The following RAP1GAP2 variants were observed in gnomAD, a reference collection of about 807,000 sequenced individuals.
RAP1GAP2 encodes rap1 GTPase-activating protein 2.
In RAP1GAP2, 27 loss-of-function variants were observed where a neutral mutation model predicts 95.0. The ratio of observed to expected loss-of-function variants is 0.28; its 90% CI spans 0.21 to 0.39. RAP1GAP2 has a LOEUF of 0.39. RAP1GAP2 is among the 10% of genes least tolerant of loss of function. RAP1GAP2 has a pLI of 1.00. For synonymous variants in RAP1GAP2, 373 were observed against 380.9 expected (o/e 0.98, Z 0.24); for missense variants, 771 against 970.0 (o/e 0.79, Z 2.72).
intron 1 of RAP1GAP2, among the ~76,000 whole-genome samples, chr17:2,756,007 G>T (rs2071134217): frequency 1.3e-5 from 2 of 152,172 alleles, no homozygotes; most frequent in Admixed American, 1.3e-4. Flanking sequence ...GACCCTGTGC[G>T]AGCCGTCAGG....
At chr17:2,771,967 G>A (rs1231858043) in intron 2 of RAP1GAP2, among the ~76,000 whole-genome samples, 2 of 152,050 alleles carry the variant, frequency 1.3e-5, no homozygotes. Context: ...CTGGGCTCAA[G>A]TGATCCTCCT....
intron 19 of RAP1GAP2, among the ~76,000 whole-genome samples, chr17:3,024,753 C>T (rs1289563624): frequency 1.3e-5 from 2 of 152,234 alleles, no homozygotes; most frequent in Non-Finnish European, 2.9e-5. Context: ...AGTCCTGATA[C>T]AAGCTACAAC....
chr17:3,026,263 G>A (rs2047112449), intron 20 of RAP1GAP2, 87 bp from the exon 21 acceptor site: 5 of 1,341,170 alleles, frequency 3.7e-6, no homozygotes, highest in Non-Finnish European at 5.2e-6. Context: ...GGGGGCGTGG[G>A]GAGCCGCCAG....
At chr17:2,762,727 T>C (rs759839313) in intron 1 of RAP1GAP2, among the ~76,000 whole-genome samples, 19 of 150,776 alleles carry the variant, frequency 1.3e-4, no homozygotes, top group Non-Finnish European at 2.1e-4. Flanking sequence ...ACATAGAAAT[T>C]TTGTGGGGAC....
intron 2 of RAP1GAP2, among the ~76,000 whole-genome samples, chr17:2,834,334 C>T (rs924612680): frequency 9.2e-5 from 14 of 152,208 alleles, no homozygotes; most frequent in Admixed American, 2.6e-4. Context: ...AGCCAATTCC[C>T]CTTGTGCTAG....
intron 2 of RAP1GAP2, among the ~76,000 whole-genome samples, chr17:2,808,573 C>A (rs913649502): frequency 2.0e-4 from 30 of 152,164 alleles, no homozygotes; most frequent in African/African-American, 6.5e-4. Flanking sequence ...CGTCCCCTCG[C>A]TGGCCCGGCT....
intron 2 of RAP1GAP2, among the ~76,000 whole-genome samples, chr17:2,812,990 CAA>C (rs748557335): frequency 3.7e-4 from 51 of 137,078 alleles, no homozygotes; most frequent in South Asian, 9.3e-4. Flanking sequence ...AACTCCGTCT[CAA>C]AAAAAAAAAA....
At chr17:2,986,516 G>A (rs1280130908) in intron 11 of RAP1GAP2, among the ~76,000 whole-genome samples, 4 of 151,502 alleles carry the variant, frequency 2.6e-5, no homozygotes, top group Admixed American at 6.6e-5. Flanking sequence ...TGATGCTGCT[G>A]TGGAGGAAAA....
intron 17 of RAP1GAP2, among the ~76,000 whole-genome samples, chr17:3,009,439 A>G (rs892751997): frequency 2.0e-5 from 3 of 152,236 alleles, no homozygotes; most frequent in African/African-American, 7.2e-5. Flanking sequence ...ATAGTATTAT[A>G]TGGGAGGAAA....
chr17:2,757,822 CT>C (rs1253333767), intron 1 of RAP1GAP2, among the ~76,000 whole-genome samples: 5 of 152,004 alleles, frequency 3.3e-5, no homozygotes, highest in African/African-American at 1.2e-4. Context: ...ACTCTTGCCC[CT>C]GGCACTGTCT....
At chr17:2,766,262 C>G (rs561821074) in intron 1 of RAP1GAP2, among the ~76,000 whole-genome samples, 1 of 152,114 alleles carries the variant, frequency 6.6e-6, no homozygotes, top group African/African-American at 2.4e-5. Context: ...TTTGTGTCCC[C>G]GGAAATTCAT....
chr17:2,919,141 C>A (rs1263341108), intron 3 of RAP1GAP2, among the ~76,000 whole-genome samples: 4 of 152,212 alleles, frequency 2.6e-5, no homozygotes, highest in Non-Finnish European at 5.9e-5. Context: ...CTTCCAAGAG[C>A]CTTGTGGATC....
chr17:2,909,514 C>A (rs1227567473), intron 3 of RAP1GAP2, among the ~76,000 whole-genome samples: 1 of 152,138 alleles, frequency 6.6e-6, no homozygotes, highest in East Asian at 1.9e-4. Flanking sequence ...GCTCAGGAAT[C>A]TGGACCACAG....
intron 2 of RAP1GAP2, among the ~76,000 whole-genome samples, chr17:2,770,971 C>A (rs944952078): frequency 1.3e-5 from 2 of 152,038 alleles, no homozygotes; most frequent in African/African-American, 4.8e-5. Flanking sequence ...CTCTTGAACC[C>A]CGGAGGCAGA....
chr17:2,883,520 AG>A (rs2073378697), intron 2 of RAP1GAP2, among the ~76,000 whole-genome samples: 1 of 151,922 alleles, frequency 6.6e-6, no homozygotes, highest in Admixed American at 6.6e-5. Flanking sequence ...AGCTTCCAAA[AG>A]CTTCTCTCTC....
At chr17:2,909,364 G>T (rs2042297208) in intron 3 of RAP1GAP2, among the ~76,000 whole-genome samples, 1 of 152,134 alleles carries the variant, frequency 6.6e-6, no homozygotes, top group African/African-American at 2.4e-5. Context: ...ACCAGCCCTG[G>T]GAGGGGTGGG....
chr17:2,917,075 C>T (rs1200829285), intron 3 of RAP1GAP2, among the ~76,000 whole-genome samples: 4 of 152,206 alleles, frequency 2.6e-5, no homozygotes, highest in African/African-American at 9.7e-5. Context: ...TGTTGATTCT[C>T]CAGCCCATCT....
rs977602425 is a variant in RAP1GAP2, at chr17:2,871,547, G to A, written c.81-33737G>A. Among the ~76,000 whole-genome samples, 27 of 152,318 alleles carry A rather than the reference G, an allele frequency of 1.8e-4. No individual in the cohort carries two copies. The highest frequency in any genetic ancestry group is 1.0e-3 in the Admixed American group (16 of 15,300). ...CATTACAGAGGAGGGAGAGGCAACA[G>A]CGGTAGGGCCAGCAAACACCATAGA... On this transcript the variant is annotated intron_variant, in intron 2 of 24. Transcript: ENST00000254695. This position sits in a 1 kb window ranked among gnomAD's most constrained non-coding sequence, Gnocchi z 5.0.
chr17:2,764,406 G>A lies in RAP1GAP2; in HGVS notation c.51-5923G>A, dbSNP rs117917673. Among the ~76,000 whole-genome samples, 558 of 142,738 alleles carry A rather than the reference G, an allele frequency of 3.9e-3. 1 individual carries two copies. Among genetic ancestry groups the A allele is most frequent in the Non-Finnish European group, 5.9e-3 (393 of 66,262 alleles). 93.6% of individuals were successfully genotyped at this position (142,738 alleles called of 152,430 possible). The stretch of plus-strand genomic sequence containing the variant: ...TAGATTGCGCCATTGCCTGGGCGAC[G>A]CAGCAAGACTCTGTCTCAAAAAATA... On this transcript the variant is annotated intron_variant, in intron 1 of 25. Coordinates refer to the RAP1GAP2 transcript ENST00000637138.
Sources: gnomAD v4.1 joint callset for allele counts (sites outside exome capture counted in the v4.1 genomes callset) on GRCh38, gnomAD v4.1.1 for gene constraint, Gnocchi (gnomAD v3.1) non-coding constraint, MANE v1.5 for transcripts, NCBI Gene and HGNC (gene_info 2026-07-23, HGNC 2026-07-21) for gene names.